Variants in OSBPL10 observed in about 807,000 individuals in gnomAD.
OSBPL10 encodes the protein oxysterol binding protein like 10, also known as oxysterol-binding protein-related protein 10.
Under a neutral mutation model 81.7 loss-of-function variants are expected in OSBPL10, and 49 were observed. The ratio of observed to expected loss-of-function variants is 0.60; its 90% CI spans 0.48 to 0.76. The LOEUF (loss-of-function observed/expected upper bound fraction) is 0.76. Among genes scored for constraint, OSBPL10 ranks in the 30% least tolerant of loss-of-function variants. The probability of loss-of-function intolerance (pLI) is 0.00; values close to 1 mark genes in which losing one functional copy is unlikely to be tolerated. For missense variants in OSBPL10, 923 were observed against 987.8 expected, an observed-to-expected ratio of 0.93 and a Z score of 0.88; for synonymous variants, 419 against 383.6, an observed-to-expected ratio of 1.09 and a Z score of -1.08.
At chr3:31,741,267 T>C (rs1417853718) in intron 5 of OSBPL10, among the ~76,000 whole-genome samples, 1 of 152,246 alleles carries the variant, frequency 6.6e-6, no homozygotes, top group Admixed American at 6.5e-5. Flanking sequence ...AACTGTTTTC[T>C]TTTATTTTTA....
intron 4 of OSBPL10, among the ~76,000 whole-genome samples, chr3:31,823,372 G>T (rs1222679978): frequency 6.6e-6 from 1 of 152,174 alleles, no homozygotes; most frequent in African/African-American, 2.4e-5. Context: ...TTTCACATAG[G>T]TATCTGTGGT....
rs1171827082 is a variant in OSBPL10 at position 32,060,747 on chromosome 3, G to A, written n.186-14144C>T. Among the ~76,000 whole-genome samples the A allele has an allele frequency of 1.0e-4, 9 of 90,178 alleles. 1 individual carries two copies. The highest frequency in any genetic ancestry group is 2.3e-4 in the African/African-American group (8 of 35,234). The allele number at this position is 90,178 out of a possible 152,430, so 59.2% of individuals were successfully genotyped here. A position where few individuals can be genotyped will look rare whatever the true frequency, so the allele number is the denominator to read the frequency against. On this transcript the variant is annotated intron_variant and non_coding_transcript_variant, in intron 1 of 3. Coordinates refer to the OSBPL10 transcript ENST00000479173. ...GAGCTGGGTGGATCACCTGAGGTCG[G>A]GAGTTCGCAACCACCCTGACCAACG...
At chr3:32,074,269 C>T (rs1022613172) in intron 1 of OSBPL10, among the ~76,000 whole-genome samples, 2 of 152,124 alleles carry the variant, frequency 1.3e-5, no homozygotes, top group Non-Finnish European at 2.9e-5. Context: ...CATCTACTTA[C>T]GGCACCTTTC....
chr3:31,809,878 T>C (rs977152282), intron 4 of OSBPL10, among the ~76,000 whole-genome samples: 1 of 147,822 alleles, frequency 6.8e-6, no homozygotes, highest in Non-Finnish European at 1.5e-5. Context: ...TCTTTTTTTT[T>C]TTTTTTTTTT....
intron 6 of OSBPL10, among the ~76,000 whole-genome samples, chr3:31,710,333 G>A (rs980360147): frequency 7.9e-5 from 12 of 152,276 alleles, no homozygotes; most frequent in East Asian, 7.7e-4. Context: ...TGTGACGTTC[G>A]TACTGGGCAC....
At chr3:31,720,044 A>G (rs1275764520) in intron 6 of OSBPL10, among the ~76,000 whole-genome samples, 2 of 144,518 alleles carry the variant, frequency 1.4e-5, no homozygotes, top group African/African-American at 5.4e-5. Context: ...AAGTTAAAGA[A>G]CATATATATA....
intron 4 of OSBPL10, among the ~76,000 whole-genome samples, chr3:31,772,028 C>T (rs142517364): frequency 1.2e-3 from 188 of 152,234 alleles, no homozygotes; most frequent in Middle Eastern, 3.4e-3. Flanking sequence ...AATCATTTGC[C>T]TAGCAGATTT....
rs1442991290 is a variant in OSBPL10 at position 31,661,217 on chromosome 3, T to G, written c.*855A>C. On this transcript the variant is annotated 3_prime_UTR_variant, in exon 12 of 12. Coordinates refer to ENST00000396556, the MANE Select transcript of OSBPL10 (RefSeq NM_017784.5). ...TTCTCTTCTCTTTCCCCAAACTAAA[T>G]ACAAGATTGAGGCTGTGGTTGTGCA... 1 of 152,596 alleles carries G rather than the reference T, an allele frequency of 6.6e-6. No individual in the cohort carries two copies. Among genetic ancestry groups the G allele is most frequent in the African/African-American group, 2.4e-5 (1 of 41,458 alleles). The allele number at this position is 152,596 out of a possible 1,614,324, so 9.5% of individuals were successfully genotyped here.
intron 4 of OSBPL10, among the ~76,000 whole-genome samples, chr3:31,827,186 T>C (rs1352285002): frequency 6.6e-6 from 1 of 152,090 alleles, no homozygotes; most frequent in Non-Finnish European, 1.5e-5. Flanking sequence ...TAGCTGGAAT[T>C]ACAGGTGCAT....
chr3:31,785,314 C>G (rs1698834624), intron 4 of OSBPL10, among the ~76,000 whole-genome samples: 1 of 152,102 alleles, frequency 6.6e-6, no homozygotes, highest in East Asian at 1.9e-4. Context: ...TATACATAAA[C>G]TAACTGTAAC....
At chr3:31,737,298 T>G (rs1483026449) in intron 5 of OSBPL10, among the ~76,000 whole-genome samples, 1 of 152,148 alleles carries the variant, frequency 6.6e-6, no homozygotes, top group Admixed American at 6.5e-5. Context: ...AAAAAAACAT[T>G]CTTACGTGGA....
intron 4 of OSBPL10, among the ~76,000 whole-genome samples, chr3:31,757,426 G>A (rs1035230525): frequency 3.3e-5 from 5 of 152,170 alleles, no homozygotes; most frequent in African/African-American, 1.2e-4. Flanking sequence ...ATGGGGAGAA[G>A]ATGATCATCT....
At chr3:31,877,827 C>T (rs1320484981) in intron 2 of OSBPL10, among the ~76,000 whole-genome samples, 1 of 152,162 alleles carries the variant, frequency 6.6e-6, no homozygotes, top group East Asian at 1.9e-4. Flanking sequence ...TAATGAACTT[C>T]CAAAGACAAA....
At chr3:31,822,825 G>A (rs144725838) in intron 4 of OSBPL10, among the ~76,000 whole-genome samples, 3 of 146,500 alleles carry the variant, frequency 2.0e-5, no homozygotes, top group African/African-American at 5.0e-5. Context: ...AAGGCAGGAG[G>A]ATTGCTTAAG....
intron 3 of OSBPL10, among the ~76,000 whole-genome samples, chr3:31,860,414 T>C (rs1701029503): frequency 6.6e-6 from 1 of 152,128 alleles, no homozygotes; most frequent in South Asian, 2.1e-4. Flanking sequence ...AACCAAGTCA[T>C]GAAACTGCAT....
chr3:32,041,649 T>TTTC (rs1699577237), intron 2 of OSBPL10, among the ~76,000 whole-genome samples: 1 of 32,532 alleles, frequency 3.1e-5, no homozygotes, highest in Non-Finnish European at 1.7e-4. Flanking sequence ...CTTTCTTTCT[T>TTTC]TTTCTTTCTT....
At chr3:31,728,398 G>A (rs986622498) in intron 6 of OSBPL10, among the ~76,000 whole-genome samples, 1 of 152,202 alleles carries the variant, frequency 6.6e-6, no homozygotes, top group Non-Finnish European at 1.5e-5. Flanking sequence ...CCTAAGGCCA[G>A]GGGTAGGTAT....
At chr3:31,932,955 T>C (rs543666179) in intron 1 of OSBPL10, among the ~76,000 whole-genome samples, 28 of 152,128 alleles carry the variant, frequency 1.8e-4, no homozygotes, top group Non-Finnish European at 3.8e-4. Context: ...CTTGAAAAGG[T>C]TCAATTTTAT....
At chr3:31,852,998 G>A (rs1426108130) in intron 3 of OSBPL10, among the ~76,000 whole-genome samples, 1 of 152,192 alleles carries the variant, frequency 6.6e-6, no homozygotes, top group Non-Finnish European at 1.5e-5. Flanking sequence ...ATAGTAGGCA[G>A]TTTATAAATG....
Sources: gnomAD v4.1 joint callset for allele counts (sites outside exome capture counted in the v4.1 genomes callset) on GRCh38, gnomAD v4.1.1 for gene constraint, MANE v1.5 for transcripts, NCBI Gene and HGNC (gene_info 2026-07-23, HGNC 2026-07-21) for gene names.